ZNF254: variants seen among roughly 807,000 people sequenced by gnomAD.
ZNF254 encodes zinc finger protein 254, also known as CTD-2017D11.1.
Under a neutral mutation model 12.4 loss-of-function variants are expected in ZNF254, and 10 were observed. The ratio of observed to expected loss-of-function variants is 0.80; its 90% CI spans 0.50 to 1.36. ZNF254 has a LOEUF of 1.36. ZNF254 is among the 40% of genes most tolerant of loss of function. ZNF254 has a pLI of 0.00. For missense variants in ZNF254, 996 were observed against 763.9 expected (o/e 1.30, Z -3.58); for synonymous variants, 305 against 253.4 (o/e 1.20, Z -1.93).
At chr19:24,054,909 T>C (rs2031414520) in intron 2 of ZNF254, among the ~76,000 whole-genome samples, 1 of 151,984 alleles carries the variant, frequency 6.6e-6, no homozygotes, top group Non-Finnish European at 1.5e-5. Context: ...AGCCTTTGAG[T>C]AGTATAGTGT....
chr19:24,075,661 C>T lies in ZNF254; in HGVS notation c.-94+29382C>T, dbSNP rs188932391. 3.5e-3 allele frequency among the ~76,000 whole-genome samples: 527 copies of T among 152,254 alleles called. 3 individuals carry two copies. Among genetic ancestry groups the T allele is most frequent in the African/African-American group, 0.012 (498 of 41,550 alleles). ...GAATTACTAATGAGGTTCCATGTCC[C>T]GCTGTGCATGCATTGTCATTGATAA... On this transcript the variant is annotated intron_variant, in intron 2 of 4. Coordinates refer to the ZNF254 transcript ENST00000613065.
intron 2 of ZNF254, chr19:24,080,472 G>A (rs927456260): frequency 1.3e-5 from 2 of 152,188 alleles, no homozygotes; most frequent in Non-Finnish European, 2.9e-5. Flanking sequence ...CTTCCACCAC[G>A]GTTTCCATCA....
intron 3 of ZNF254, among the ~76,000 whole-genome samples, chr19:24,122,752 T>A (rs951267473): frequency 5.9e-5 from 9 of 152,020 alleles, no homozygotes; most frequent in African/African-American, 1.9e-4. Context: ...TACTGAATGA[T>A]TTGGTGAAAG....
At chr19:24,042,349 T>A (rs953598391) in intron 1 of ZNF254, among the ~76,000 whole-genome samples, 1 of 152,160 alleles carries the variant, frequency 6.6e-6, no homozygotes, top group Non-Finnish European at 1.5e-5. Context: ...TGGGGCCAGA[T>A]AAGAGAATAA....
intron 3 of ZNF254, among the ~76,000 whole-genome samples, chr19:24,117,088 G>C (rs1166335122): frequency 6.6e-6 from 1 of 152,118 alleles, no homozygotes; most frequent in East Asian, 1.9e-4. Context: ...GCCATGTGAG[G>C]TGTCAGTCTG....
intron 1 of ZNF254, among the ~76,000 whole-genome samples, chr19:24,034,487 GGTTTTTTTTTTT>G (rs1005013338): frequency 8.6e-6 from 1 of 116,142 alleles, no homozygotes; most frequent in African/African-American, 3.4e-5. Flanking sequence ...TAGGTAAGTG[GGTTTTTTTTTTT>G]TTTTTTTTTT....
chr19:24,087,436 C>G lies in ZNF254; in HGVS notation c.30+99C>G, dbSNP rs1047042450. The G allele has an allele frequency of 1.5e-5, 22 of 1,484,246 alleles. No homozygotes were observed. In the Middle Eastern group the frequency reaches 1.7e-3, roughly 117 times the overall value. 91.9% of individuals were successfully genotyped at this position (1,484,246 alleles called of 1,614,324 possible). A position where few individuals can be genotyped will look rare whatever the true frequency, so the allele number is the denominator to read the frequency against. On this transcript the variant is annotated intron_variant, in intron 1 of 3. Coordinates refer to ENST00000357002, the MANE Select transcript of ZNF254 (RefSeq NM_203282.4). ...GACTCAGGCCTCCCCCCAGTCAGCT[C>G]CACAATCTGCGCCCAGCTCGACCTC...
At chr19:24,052,311 A>G (rs1449237119) in intron 2 of ZNF254, among the ~76,000 whole-genome samples, 7 of 152,206 alleles carry the variant, frequency 4.6e-5, no homozygotes, top group Non-Finnish European at 1.0e-4. Flanking sequence ...TCATCTTTCC[A>G]TCACTTAGGT....
At position 24,039,559 on chromosome 19, in the gene ZNF254, G is replaced by T. The variant is rs534604237; in HGVS notation, c.-190+5938G>T. ...CCTGCCTCAGCCTCCCAAGTAGCTG[G>T]GATTACAGGCTCTCATTTCTTGATA... is the stretch of plus-strand genomic sequence containing the variant. On this transcript the variant is annotated intron_variant, in intron 1 of 4. Transcript: ENST00000613065. 8.4e-4 allele frequency among the ~76,000 whole-genome samples: 128 copies of T among 152,226 alleles called. 1 individual carries two copies. The highest frequency in any genetic ancestry group is 2.9e-3 in the African/African-American group (119 of 41,544).
intron 1 of ZNF254, among the ~76,000 whole-genome samples, chr19:24,041,501 G>A (rs1970157991): frequency 6.6e-6 from 1 of 152,272 alleles, no homozygotes; most frequent in Non-Finnish European, 1.5e-5. Flanking sequence ...AGCAGTGCTG[G>A]CCCACCGGCG....
At chr19:24,111,292 T>C (rs1307889965) in intron 3 of ZNF254, among the ~76,000 whole-genome samples, 3 of 152,214 alleles carry the variant, frequency 2.0e-5, no homozygotes, top group Admixed American at 6.5e-5. Context: ...TCATCATTAT[T>C]GATGGCTGCA....
intron 2 of ZNF254, chr19:24,066,222 A>T (rs946339720): frequency 6.6e-6 from 1 of 152,078 alleles, no homozygotes; most frequent in Non-Finnish European, 1.5e-5. Context: ...CAGCAACCAG[A>T]TGATATATTT....
chr19:24,089,702 A>G (rs1001535690), intron 1 of ZNF254, among the ~76,000 whole-genome samples: 5 of 151,670 alleles, frequency 3.3e-5, no homozygotes, highest in African/African-American at 1.2e-4. Flanking sequence ...TTCCTAGTGC[A>G]CTTTTTTTTT....
intron 1 of ZNF254, 126 bp from the exon 2 acceptor site, chr19:24,105,814 T>C (rs1481295694): frequency 4.7e-5 from 66 of 1,409,806 alleles, no homozygotes; most frequent in Non-Finnish European, 6.2e-5. Context: ...AATTATTTTA[T>C]TGGATAATTT....
intron 2 of ZNF254, among the ~76,000 whole-genome samples, chr19:24,078,289 C>T (rs1041333562): frequency 6.6e-6 from 1 of 152,176 alleles, no homozygotes; most frequent in African/African-American, 2.4e-5. Context: ...TTGCCCACTT[C>T]GGCCTCCCAA....
intron 2 of ZNF254, among the ~76,000 whole-genome samples, chr19:24,075,676 G>A (rs1351344140): frequency 6.6e-6 from 1 of 152,188 alleles, no homozygotes; most frequent in African/African-American, 2.4e-5. Context: ...TGCATGCATT[G>A]TCATTGATAA....
chr19:24,065,327 G>T (rs1225245382), intron 2 of ZNF254: 3 of 152,170 alleles, frequency 2.0e-5, no homozygotes, highest in African/African-American at 7.2e-5. Context: ...GCTTTCAGGA[G>T]AGGATTATAA....
Position 24,129,960 on chromosome 19 carries a change from G to A in ZNF254, c.*1980G>A, listed in dbSNP as rs1975125873. 1 of 152,178 alleles carries A rather than the reference G, an allele frequency of 6.6e-6. No individual in the cohort carries two copies. Among genetic ancestry groups the A allele is most frequent in the South Asian group, 2.1e-4 (1 of 4,826 alleles). 9.4% of individuals were successfully genotyped at this position (152,178 alleles called of 1,614,324 possible). On this transcript the variant is annotated 3_prime_UTR_variant, in exon 4 of 4. Transcript: ENST00000357002. ...CTTCTATTAAAGATAAACCTTAGGT[G>A]TAAATAAATTATGGAGTAAGTATGT... is the stretch of plus-strand genomic sequence containing the variant.
intron 2 of ZNF254, among the ~76,000 whole-genome samples, chr19:24,056,560 A>G (rs1476874700): frequency 1.3e-5 from 2 of 152,148 alleles, no homozygotes; most frequent in African/African-American, 4.8e-5. Context: ...GCCCAGCAAC[A>G]TGGTGACATG....
Sources: gnomAD v4.1 joint callset for allele counts (sites outside exome capture counted in the v4.1 genomes callset) on GRCh38, gnomAD v4.1.1 for gene constraint, MANE v1.5 for transcripts, NCBI Gene and HGNC (gene_info 2026-07-23, HGNC 2026-07-21) for gene names.